TEX36: variants seen among roughly 807,000 people sequenced by gnomAD.
TEX36 encodes testis expressed 36.
In TEX36, 12 loss-of-function variants were observed where a neutral mutation model predicts 13.6. The ratio of observed to expected loss-of-function variants is 0.88; its 90% CI spans 0.56 to 1.43. TEX36 has a LOEUF of 1.43. Among genes scored for constraint, TEX36 ranks in the 40% most tolerant of loss-of-function variants. TEX36 has a pLI of 0.00. For synonymous variants in TEX36, 93 were observed against 83.0 expected, an observed-to-expected ratio of 1.12 and a Z score of -0.65; for missense variants, 224 against 228.3, an observed-to-expected ratio of 0.98 and a Z score of 0.12.
chr10:125,621,352 A>G (rs1233570916), downstream of TEX36, among the ~76,000 whole-genome samples: 1 of 149,592 alleles, frequency 6.7e-6, no homozygotes, highest in East Asian at 2.0e-4. Context: ...CCTCACCAAC[A>G]CTTGGCATTT....
rs530565814 is a variant in TEX36 at position 125,588,626 on chromosome 10, TTTGTTTGA to T, written c.265-11760_265-11753del. ...GTTTGTTTGTTTGTTTGTTTGTTTG[TTTGTTTGA>T]GATGGAATCTCGAGCTGTCGCCCAT... On this transcript the variant is annotated intron_variant, in intron 3 of 3. Transcript: ENST00000532135. 1.4e-3 allele frequency among the ~76,000 whole-genome samples: 183 copies of T among 128,420 alleles called. 4 individuals carry two copies. In the South Asian group the frequency reaches 0.037, roughly 26 times the overall value. 84.2% of individuals were successfully genotyped at this position (128,420 alleles called of 152,430 possible).
intron 3 of TEX36, among the ~76,000 whole-genome samples, chr10:125,631,620 T>C (rs779644761): frequency 6.6e-6 from 1 of 152,178 alleles, no homozygotes; most frequent in Non-Finnish European, 1.5e-5. Flanking sequence ...CCAGAGAAGA[T>C]GGATTGCACC....
At chr10:125,633,728 C>T (rs767626105) in intron 3 of TEX36, among the ~76,000 whole-genome samples, 19 of 152,080 alleles carry the variant, frequency 1.2e-4, no homozygotes, top group Non-Finnish European at 1.5e-4. Flanking sequence ...TGGAAAAGAC[C>T]GTTGTTGGAA....
intron 3 of TEX36, among the ~76,000 whole-genome samples, chr10:125,591,651 G>A (rs1846022442): frequency 1.3e-5 from 2 of 152,208 alleles, no homozygotes; most frequent in African/African-American, 2.4e-5. Context: ...GGAAATTAGT[G>A]TTTCTGTATT....
exon 4 of TEX36, chr10:125,576,805 T>C (rs11244568): frequency 0.37 from 572,176 of 1,535,576 alleles, 111,433 homozygotes; most frequent in East Asian, 0.48. Context: ...ATGGACTGGG[T>C]CCTCACCGGC....
chr10:125,681,408 G>A lies in TEX36; in HGVS notation c.51+1531C>T, dbSNP rs141183149. Among the ~76,000 whole-genome samples the A allele has an allele frequency of 6.6e-5, 10 of 152,356 alleles. No individual in the cohort carries two copies. In the South Asian group the frequency reaches 2.1e-3, roughly 32 times the overall value. On this transcript the variant is annotated intron_variant, in intron 1 of 3. Coordinates refer to ENST00000368821, the MANE Select transcript of TEX36 (RefSeq NM_001128202.3). ...CTGATACATAGGTAATAGCTAGAGG[G>A]AAAGCTACTTAATCTGAGCAACTTA...
chr10:125,609,922 G>A (rs890955520), intron 3 of TEX36, among the ~76,000 whole-genome samples: 2 of 152,206 alleles, frequency 1.3e-5, no homozygotes, highest in Non-Finnish European at 2.9e-5. Context: ...GATAAAACAG[G>A]ACGCAGTCAA....
chr10:125,636,866 T>A (rs2133571745), intron 3 of TEX36, among the ~76,000 whole-genome samples: 1 of 152,292 alleles, frequency 6.6e-6, no homozygotes, highest in East Asian at 1.9e-4. Flanking sequence ...TAGAGTAGAT[T>A]TCTAAAGCTT....
chr10:125,633,663 T>A (rs1186125904), intron 3 of TEX36, among the ~76,000 whole-genome samples: 5 of 152,200 alleles, frequency 3.3e-5, no homozygotes, highest in Non-Finnish European at 5.9e-5. Context: ...GAACATTATC[T>A]GATTCTTTTT....
At chr10:125,618,703 C>T (rs1331644611), downstream of TEX36, among the ~76,000 whole-genome samples, 3 of 152,044 alleles carry the variant, frequency 2.0e-5, no homozygotes, top group African/African-American at 7.2e-5. Context: ...GCAGGTCCTG[C>T]CCACCCTCCA....
chr10:125,640,151 C>A, intron 3 of TEX36: 1 of 985,342 alleles, frequency 1.0e-6, no homozygotes, highest in South Asian at 4.7e-5. Flanking sequence ...GATGTTACAG[C>A]CAGATCAGTG....
intron 3 of TEX36, among the ~76,000 whole-genome samples, chr10:125,606,602 G>A (rs1489173216): frequency 3.3e-5 from 5 of 152,208 alleles, no homozygotes; most frequent in Non-Finnish European, 7.3e-5. Context: ...GGGGGTGGAA[G>A]TCAGCAGGGA....
chr10:125,679,619 T>C (rs1361990900), intron 1 of TEX36, among the ~76,000 whole-genome samples: 1 of 152,160 alleles, frequency 6.6e-6, no homozygotes, highest in Non-Finnish European at 1.5e-5. Flanking sequence ...CCTTTCCCCA[T>C]GTTGGGAAGT....
chr10:125,631,305 G>A (rs952639680), intron 3 of TEX36, among the ~76,000 whole-genome samples: 1 of 152,020 alleles, frequency 6.6e-6, no homozygotes, highest in Admixed American at 6.6e-5. Flanking sequence ...AAAAAATAGC[G>A]GGTATTTAGG....
At chr10:125,649,705 T>C (rs966557631) in intron 3 of TEX36, among the ~76,000 whole-genome samples, 1 of 152,062 alleles carries the variant, frequency 6.6e-6, no homozygotes, top group African/African-American at 2.4e-5. Context: ...GACTGGCAAA[T>C]TGGATAAAGA....
At chr10:125,654,530 T>TTTG (rs1161756229), downstream of TEX36, among the ~76,000 whole-genome samples, 5 of 152,170 alleles carry the variant, frequency 3.3e-5, no homozygotes, top group African/African-American at 7.2e-5. Context: ...CAGTGTTATT[T>TTTG]TTGTTGTTGT....
intron 3 of TEX36, among the ~76,000 whole-genome samples, chr10:125,596,083 T>G (rs73375984): frequency 0.039 from 5,989 of 152,330 alleles, 398 homozygotes; most frequent in African/African-American, 0.13. Context: ...TAGGTAAGTA[T>G]TTAACCTCAG....
At chr10:125,617,629 G>A (rs1274232571), downstream of TEX36, among the ~76,000 whole-genome samples, 10 of 152,190 alleles carry the variant, frequency 6.6e-5, no homozygotes, top group Non-Finnish European at 1.5e-4. Context: ...CTCTCTTCTG[G>A]CTTGTAGAGT....
chr10:125,628,348 TA>T (rs1283460086), intron 3 of TEX36, among the ~76,000 whole-genome samples: 1 of 152,228 alleles, frequency 6.6e-6, no homozygotes, highest in Non-Finnish European at 1.5e-5. Flanking sequence ...AATGTCCCAC[TA>T]TATCTTATTT....
Sources: allele counts gnomAD v4.1 joint callset (sites outside exome capture counted in the v4.1 genomes callset), GRCh38; gene constraint gnomAD v4.1.1; transcripts MANE v1.5; gene names NCBI Gene and HGNC (gene_info 2026-07-23, HGNC 2026-07-21).